Variants in KHDRBS2 observed in about 807,000 individuals in gnomAD.
KHDRBS2 encodes the protein KH domain-containing, RNA-binding, signal transduction-associated protein 2.
KHDRBS2 carries 26 observed loss-of-function variants against 44.3 expected under a neutral mutation model. The ratio of observed to expected loss-of-function variants is 0.59; its 90% CI spans 0.43 to 0.81. The LOEUF is 0.81. Among genes scored for constraint, KHDRBS2 ranks in the 40% least tolerant of loss-of-function variants. The probability of loss-of-function intolerance (pLI) is 0.00; values close to 1 mark genes in which losing one functional copy is unlikely to be tolerated. For missense variants in KHDRBS2, 476 were observed against 433.1 expected (o/e 1.10, Z -0.88); for synonymous variants, 194 against 151.1 (o/e 1.28, Z -2.08).
chr6:61,635,471 T>C, the KHDRBS2 span, among the ~76,000 whole-genome samples: 1 of 152,060 alleles, frequency 6.6e-6, no homozygotes, highest in South Asian at 2.1e-4. Flanking sequence ...GTATGGTTAC[T>C]GACCAAGTGT....
intron 6 of KHDRBS2, among the ~76,000 whole-genome samples, chr6:61,749,002 T>C (rs1777245110): frequency 7.2e-6 from 1 of 139,786 alleles, no homozygotes; most frequent in Admixed American, 7.7e-5. Flanking sequence ...CTTTTCTTTC[T>C]TTCTTTCTTT....
At chr6:61,593,038 AG>A in the KHDRBS2 span, among the ~76,000 whole-genome samples, 1 of 152,172 alleles carries the variant, frequency 6.6e-6, no homozygotes, top group East Asian at 1.9e-4. Context: ...GAAGAAAAAA[AG>A]GTTAATGTCT....
intron 3 of KHDRBS2, among the ~76,000 whole-genome samples, chr6:61,992,385 T>C (rs1024677744): frequency 6.6e-5 from 10 of 152,176 alleles, no homozygotes; most frequent in Admixed American, 1.3e-4. Context: ...CATTTCTTCT[T>C]CTTGCAAGGT....
chr6:61,783,329 G>A (rs1463634182), intron 6 of KHDRBS2, among the ~76,000 whole-genome samples: 4 of 151,840 alleles, frequency 2.6e-5, no homozygotes, highest in African/African-American at 9.7e-5. Flanking sequence ...CTCAGCATAC[G>A]TATCACTTTC....
At chr6:61,613,739 G>C in the KHDRBS2 span, among the ~76,000 whole-genome samples, 1 of 152,150 alleles carries the variant, frequency 6.6e-6, no homozygotes, top group Non-Finnish European at 1.5e-5. Flanking sequence ...CAAAGAATTA[G>C]AGGAAAGCTG....
chr6:61,924,992 C>T (rs1808701424), intron 4 of KHDRBS2, among the ~76,000 whole-genome samples: 1 of 152,056 alleles, frequency 6.6e-6, no homozygotes, highest in Non-Finnish European at 1.5e-5. Flanking sequence ...TATGAGCTTG[C>T]ATTTAAAACT....
At chr6:61,752,940 G>T (rs1270825005) in intron 6 of KHDRBS2, among the ~76,000 whole-genome samples, 1 of 152,076 alleles carries the variant, frequency 6.6e-6, no homozygotes, top group African/African-American at 2.4e-5. Context: ...TGGATTAATA[G>T]AATAATAATA....
At chr6:62,126,017 AG>A in intron 2 of KHDRBS2, among the ~76,000 whole-genome samples, 1 of 37,284 alleles carries the variant, frequency 2.7e-5, no homozygotes. Flanking sequence ...CAGCCATAGC[AG>A]GGTAGAGCAT....
At chr6:61,735,292 T>C (rs1311018615) in intron 6 of KHDRBS2, among the ~76,000 whole-genome samples, 3 of 152,128 alleles carry the variant, frequency 2.0e-5, no homozygotes, top group Non-Finnish European at 4.4e-5. Context: ...ATTTGCAAAT[T>C]AGTTCCAGAA....
chr6:62,262,177 T>C (rs1261555357), intron 1 of KHDRBS2, among the ~76,000 whole-genome samples: 1 of 151,704 alleles, frequency 6.6e-6, no homozygotes, highest in African/African-American at 2.4e-5. Flanking sequence ...CACTTATCTT[T>C]GAACTTCTAT....
chr6:61,871,078 T>C (rs1798588156), intron 6 of KHDRBS2, among the ~76,000 whole-genome samples: 1 of 152,124 alleles, frequency 6.6e-6, no homozygotes, highest in African/African-American at 2.4e-5. Flanking sequence ...AGGAGCATGT[T>C]CTAACCCAAT....
intron 6 of KHDRBS2, among the ~76,000 whole-genome samples, chr6:61,865,392 G>T (rs778537540): frequency 1.3e-5 from 2 of 152,162 alleles, no homozygotes; most frequent in African/African-American, 4.8e-5. Flanking sequence ...GCAAGGAGGA[G>T]TAAGTCATGT....
intron 2 of KHDRBS2, among the ~76,000 whole-genome samples, chr6:62,117,248 A>C (rs1806482624): frequency 6.6e-6 from 1 of 151,950 alleles, no homozygotes; most frequent in Non-Finnish European, 1.5e-5. Flanking sequence ...ATTTTTCTAC[A>C]TCCTTGCCAG....
chr6:61,703,981 A>G (rs766939889), intron 7 of KHDRBS2, among the ~76,000 whole-genome samples: 1 of 151,898 alleles, frequency 6.6e-6, no homozygotes, highest in Non-Finnish European at 1.5e-5. Flanking sequence ...CTTTATGCCT[A>G]TGGTGGGAAA....
Position 62,077,390 on chromosome 6 carries a change from T to A in KHDRBS2, c.220-29396A>T, listed in dbSNP as rs535762602. On this transcript the variant is annotated intron_variant, in intron 2 of 8. Transcript: ENST00000281156. ...TTGTTGTACAGCTAATGCACTGCAG[T>A]TTTCTGAAAAGTGTTGCAGTCAAGG... 7.9e-5 allele frequency among the ~76,000 whole-genome samples: 12 copies of A among 152,114 alleles called. No individual in the cohort carries two copies. In the South Asian group the frequency reaches 2.5e-3, roughly 32 times the overall value.
intron 6 of KHDRBS2, among the ~76,000 whole-genome samples, chr6:61,865,386 G>T (rs1797625364): frequency 6.6e-6 from 1 of 152,150 alleles, no homozygotes; most frequent in African/African-American, 2.4e-5. Context: ...TGGAAGGCAA[G>T]GAGGAGTAAG....
At chr6:61,611,143 C>T in the KHDRBS2 span, among the ~76,000 whole-genome samples, 1 of 152,136 alleles carries the variant, frequency 6.6e-6, no homozygotes. Flanking sequence ...TCAAAACAAT[C>T]AATGACATGT....
intron 4 of KHDRBS2, among the ~76,000 whole-genome samples, chr6:61,909,068 A>G (rs1367085868): frequency 6.7e-6 from 1 of 149,738 alleles, no homozygotes; most frequent in Non-Finnish European, 1.5e-5. Flanking sequence ...TATCATATAT[A>G]GATTTTTTTT....
At chr6:62,232,362 T>C (rs1833024873) in intron 1 of KHDRBS2, among the ~76,000 whole-genome samples, 1 of 152,174 alleles carries the variant, frequency 6.6e-6, no homozygotes, top group Non-Finnish European at 1.5e-5. Flanking sequence ...AATTGTCCTC[T>C]CCTTATGTAA....
Sources: allele counts gnomAD v4.1 joint callset (sites outside exome capture counted in the v4.1 genomes callset), GRCh38; gene constraint gnomAD v4.1.1; transcripts MANE v1.5; gene names NCBI Gene and HGNC (gene_info 2026-07-23, HGNC 2026-07-21).